Variants in MNAT1 observed in about 807,000 individuals in gnomAD.
MNAT1 encodes CDK-activating kinase assembly factor MAT1.
A neutral mutation model predicts 42.0 loss-of-function variants in MNAT1; 43 were observed. The ratio of observed to expected loss-of-function variants is 1.02; its 90% CI spans 0.80 to 1.32. The LOEUF is 1.32. MNAT1 is among the 40% of genes most tolerant of loss of function. The probability of loss-of-function intolerance (pLI) is 0.00; values close to 1 mark genes in which losing one functional copy is unlikely to be tolerated. For missense variants in MNAT1, 306 were observed against 350.4 expected (o/e 0.87, Z 1.01); for synonymous variants, 118 against 120.0 (o/e 0.98, Z 0.11).
At chr14:60,955,175 T>C (rs1271408774) in intron 7 of MNAT1, among the ~76,000 whole-genome samples, 1 of 152,188 alleles carries the variant, frequency 6.6e-6, no homozygotes, top group African/African-American at 2.4e-5. Flanking sequence ...AGTTCTTTTC[T>C]TTAATATCCT....
At chr14:60,817,058 TAAA>T (rs1381586785) in intron 5 of MNAT1, among the ~76,000 whole-genome samples, 1 of 151,932 alleles carries the variant, frequency 6.6e-6, no homozygotes, top group Non-Finnish European at 1.5e-5. Flanking sequence ...AAATACCAGT[TAAA>T]GAAGAGCACT....
chr14:60,815,505 G>A (rs527643846), intron 5 of MNAT1, among the ~76,000 whole-genome samples: 5 of 152,208 alleles, frequency 3.3e-5, no homozygotes, highest in African/African-American at 7.2e-5. Context: ...GTGAGCCACC[G>A]CGCCCAGCCG....
chr14:60,784,042 T>G (rs1241684825), intron 1 of MNAT1, among the ~76,000 whole-genome samples: 3 of 152,030 alleles, frequency 2.0e-5, no homozygotes, highest in Non-Finnish European at 4.4e-5. Context: ...AGTCTTGCTC[T>G]GTCGCCCAAG....
chr14:60,877,444 A>G (rs374807656), intron 6 of MNAT1, among the ~76,000 whole-genome samples: 1 of 152,192 alleles, frequency 6.6e-6, no homozygotes, highest in South Asian at 2.1e-4. Context: ...ATTGTATTTT[A>G]TGACTTTTAA....
At chr14:60,867,777 A>G (rs1040359413) in intron 6 of MNAT1, among the ~76,000 whole-genome samples, 22 of 152,112 alleles carry the variant, frequency 1.4e-4, no homozygotes, top group African/African-American at 5.1e-4. Flanking sequence ...GAGAAATTAA[A>G]TGTTGCACCT....
intron 1 of MNAT1, among the ~76,000 whole-genome samples, chr14:60,784,837 A>G (rs2031592475): frequency 1.3e-5 from 2 of 151,588 alleles, no homozygotes; most frequent in Non-Finnish European, 2.9e-5. Context: ...GACTTGATAA[A>G]TGTGTAGCTA....
chr14:60,907,416 G>C (rs1193779836), intron 7 of MNAT1, among the ~76,000 whole-genome samples: 2 of 109,048 alleles, frequency 1.8e-5, no homozygotes, highest in Admixed American at 1.3e-4. Flanking sequence ...CTGTGTGACA[G>C]AGCAAGACTC....
At chr14:60,917,453 A>C (rs534470293) in intron 7 of MNAT1, among the ~76,000 whole-genome samples, 1 of 152,168 alleles carries the variant, frequency 6.6e-6, no homozygotes, top group Admixed American at 6.5e-5. Flanking sequence ...TTTTTATTCC[A>C]TATATTCTTG....
intron 7 of MNAT1, among the ~76,000 whole-genome samples, chr14:60,907,310 G>A (rs936375997): frequency 6.6e-6 from 1 of 151,816 alleles, no homozygotes; most frequent in Non-Finnish European, 1.5e-5. Context: ...GCACGCGCCT[G>A]TAGTCCCAGC....
intron 7 of MNAT1, among the ~76,000 whole-genome samples, chr14:60,948,042 C>A (rs1397342989): frequency 3.9e-5 from 6 of 152,180 alleles, no homozygotes; most frequent in African/African-American, 1.4e-4. Context: ...TTTCTCCAAT[C>A]TATCTTTTCT....
chr14:60,754,960 G>GAAAT (rs1400033060), intron 1 of MNAT1, among the ~76,000 whole-genome samples: 1 of 152,054 alleles, frequency 6.6e-6, no homozygotes. Context: ...CTGTAAGTAA[G>GAAAT]AAATACAGTG....
intron 1 of MNAT1, among the ~76,000 whole-genome samples, chr14:60,794,979 C>T (rs2140325585): frequency 6.6e-6 from 1 of 152,080 alleles, no homozygotes; most frequent in African/African-American, 2.4e-5. Context: ...AACATTCTGT[C>T]TTTATGAAAT....
intron 1 of MNAT1, among the ~76,000 whole-genome samples, chr14:60,787,620 G>T (rs371916214): frequency 6.6e-6 from 1 of 152,074 alleles, no homozygotes; most frequent in East Asian, 1.9e-4. Context: ...AAAATTCCTC[G>T]CAAAATTGGA....
At chr14:60,910,974 A>G (rs1416463779) in intron 7 of MNAT1, among the ~76,000 whole-genome samples, 1 of 152,030 alleles carries the variant, frequency 6.6e-6, no homozygotes, top group African/African-American at 2.4e-5. Context: ...TTGATTGGTA[A>G]ACTCTTAATT....
intron 7 of MNAT1, among the ~76,000 whole-genome samples, chr14:60,895,235 A>C (rs1246891823): frequency 6.6e-6 from 1 of 152,198 alleles, no homozygotes; most frequent in East Asian, 1.9e-4. Context: ...ATCTGAAGCT[A>C]TCTGCTTTCT....
chr14:60,931,552 AAAG>A (rs1333367681), intron 7 of MNAT1, among the ~76,000 whole-genome samples: 1 of 152,202 alleles, frequency 6.6e-6, no homozygotes, highest in African/African-American at 2.4e-5. Flanking sequence ...CTGTGATAAC[AAAG>A]CCCATTGCAG....
At chr14:60,805,233 A>T (rs982136125) in intron 3 of MNAT1, among the ~76,000 whole-genome samples, 6 of 150,500 alleles carry the variant, frequency 4.0e-5, no homozygotes, top group Non-Finnish European at 5.9e-5. Flanking sequence ...CTTTTTTTTT[A>T]AAAGTAGACT....
At chr14:60,781,975 T>TGTGTGA (rs1566763317) in intron 1 of MNAT1, among the ~76,000 whole-genome samples, 3 of 129,644 alleles carry the variant, frequency 2.3e-5, no homozygotes, top group Non-Finnish European at 4.8e-5. Flanking sequence ...GTGTGTGTGA[T>TGTGTGA]TTTTTTTTTT....
At chr14:60,924,794 T>C (rs1218032745) in intron 7 of MNAT1, among the ~76,000 whole-genome samples, 1 of 152,194 alleles carries the variant, frequency 6.6e-6, no homozygotes, top group Non-Finnish European at 1.5e-5. Flanking sequence ...CTTGGAAACA[T>C]ATTAAAAGTA....
Sources: gnomAD v4.1 joint callset for allele counts (sites outside exome capture counted in the v4.1 genomes callset) on GRCh38, gnomAD v4.1.1 for gene constraint, MANE v1.5 for transcripts, NCBI Gene and HGNC (gene_info 2026-07-23, HGNC 2026-07-21) for gene names.